INPP4B: variants seen among roughly 807,000 people sequenced by gnomAD.
INPP4B encodes the protein inositol polyphosphate 4-phosphatase type II.
INPP4B carries 55 observed loss-of-function variants against 122.5 expected under a neutral mutation model. The observed-to-expected ratio is 0.45, with a 90% CI of 0.36 to 0.56. The LOEUF (loss-of-function observed/expected upper bound fraction) is 0.56. Ranked by LOEUF, INPP4B falls within the 20% of genes least tolerant of loss-of-function variation. INPP4B has a pLI of 0.00. For missense variants in INPP4B, 1,000 were observed against 1,097.7 expected (o/e 0.91, Z 1.26); for synonymous variants, 403 against 388.7 (o/e 1.04, Z -0.43).
intron 14 of INPP4B, among the ~76,000 whole-genome samples, chr4:142,200,743 G>A (rs2149442963): frequency 6.6e-6 from 1 of 152,112 alleles, no homozygotes; most frequent in South Asian, 2.1e-4. Context: ...GTTCTCAAAT[G>A]TGAAAGTACT....
chr4:142,728,266 C>T (rs1765589186), intron 1 of INPP4B, among the ~76,000 whole-genome samples: 1 of 152,144 alleles, frequency 6.6e-6, no homozygotes, highest in Non-Finnish European at 1.5e-5. Context: ...CAGAACCTTA[C>T]ACTGTATATT....
chr4:142,734,067 C>T (rs538513858), intron 1 of INPP4B, among the ~76,000 whole-genome samples: 2 of 152,280 alleles, frequency 1.3e-5, no homozygotes, highest in South Asian at 4.1e-4. Context: ...CTCTAACACT[C>T]AGTTAGACTG....
rs564363169 is a variant in INPP4B, at chr4:142,115,178, C to A, written c.2136-2496G>T. ...GGACTATGTGAAAAGACCAAATCTA[C>A]ATCTGATTGGTTTACCTGAAAGTGA... On this transcript the variant is annotated intron_variant, in intron 21 of 25. Coordinates refer to ENST00000262992, the MANE Select transcript of INPP4B (RefSeq NM_001101669.3). 9.2e-4 allele frequency among the ~76,000 whole-genome samples: 140 copies of A among 152,220 alleles called. 2 individuals are homozygous for A. Among genetic ancestry groups the A allele is most frequent in the African/African-American group, 3.2e-3 (134 of 41,556 alleles).
At position 142,363,351 on chromosome 4, in the gene INPP4B, A is replaced by ATG. The variant is rs937194226; in HGVS notation, c.372+39585_372+39586dup. ...GGCATATAAACAAATATATATATATATGTGTGTGTGTATACACATGCCAAA... is the reference window on the plus strand; with the variant it reads ...GGCATATAAACAAATATATATATATATGTGTGTGTGTGTATACACATGCCAAA... On this transcript the variant is annotated intron_variant, in intron 7 of 25. Coordinates refer to ENST00000262992, the MANE Select transcript of INPP4B (RefSeq NM_001101669.3). Among the ~76,000 whole-genome samples the ATG allele has an allele frequency of 5.9e-5, 9 of 151,698 alleles. No individual in the cohort carries two copies. The East Asian group carries it at 1.2e-3, about 20-fold the overall frequency.
At chr4:142,380,273 T>C (rs1396576628) in intron 7 of INPP4B, among the ~76,000 whole-genome samples, 1 of 152,202 alleles carries the variant, frequency 6.6e-6, no homozygotes, top group African/African-American at 2.4e-5. Context: ...AGGAGTTCCC[T>C]GGGGCTTCAT....
chr4:142,515,885 CTTAA>C (rs1330274941), intron 2 of INPP4B, among the ~76,000 whole-genome samples: 1 of 152,038 alleles, frequency 6.6e-6, no homozygotes, highest in Non-Finnish European at 1.5e-5. Context: ...TTGGAAATTG[CTTAA>C]TTAGACAATA....
chr4:142,193,738 A>G (rs1272962040), intron 14 of INPP4B, among the ~76,000 whole-genome samples: 1 of 152,178 alleles, frequency 6.6e-6, no homozygotes, highest in Non-Finnish European at 1.5e-5. Flanking sequence ...TGCTTTTGCA[A>G]TTTCCTTAGG....
At chr4:142,826,076 T>A (rs959754538) in intron 1 of INPP4B, among the ~76,000 whole-genome samples, 3 of 152,130 alleles carry the variant, frequency 2.0e-5, no homozygotes, top group African/African-American at 7.2e-5. Flanking sequence ...TCAAATGTAA[T>A]TTTGATGCAA....
chr4:142,514,426 G>A (rs1825149355), intron 2 of INPP4B: 2 of 152,056 alleles, frequency 1.3e-5, no homozygotes, highest in South Asian at 2.1e-4. Flanking sequence ...AATAAAATCT[G>A]TGTTGTCTTT....
intron 7 of INPP4B, among the ~76,000 whole-genome samples, chr4:142,374,679 C>T (rs555422801): frequency 6.6e-6 from 1 of 151,964 alleles, no homozygotes; most frequent in African/African-American, 2.4e-5. Context: ...CTAATTTCTT[C>T]ATGCTTCTTA....
chr4:142,151,579 C>A (rs1305264823), intron 17 of INPP4B, among the ~76,000 whole-genome samples: 1 of 152,154 alleles, frequency 6.6e-6, no homozygotes, highest in African/African-American at 2.4e-5. Context: ...TTTTCCCAGA[C>A]CTATATTATA....
In INPP4B at chr4:142,608,704, C is replaced by T. The variant is rs76877026; in HGVS notation, c.-191+117135G>A. Among the ~76,000 whole-genome samples the T allele has an allele frequency of 5.5e-3, 839 of 152,252 alleles. 11 individuals carry two copies. Among genetic ancestry groups the T allele is most frequent in the African/African-American group, 0.019 (793 of 41,566 alleles). ...TCCAAGACTTATCATCTGGAAAGAC[C>T]AGTTTCGTTGAGTCCCTCTCCAACC... On this transcript the variant is annotated intron_variant, in intron 2 of 25. Coordinates refer to ENST00000262992, the MANE Select transcript of INPP4B (RefSeq NM_001101669.3).
chr4:142,815,490 T>C (rs1201273480), intron 1 of INPP4B, among the ~76,000 whole-genome samples: 1 of 152,152 alleles, frequency 6.6e-6, no homozygotes, highest in East Asian at 1.9e-4. Flanking sequence ...TAACTAAAGT[T>C]ATACTAATAT....
intron 10 of INPP4B, among the ~76,000 whole-genome samples, chr4:142,268,981 C>A (rs1023850657): frequency 6.6e-6 from 1 of 152,132 alleles, no homozygotes; most frequent in African/African-American, 2.4e-5. Flanking sequence ...GGCCCCAACT[C>A]TTTCAGAATA....
At chr4:142,742,669 C>A (rs1179247120) in intron 1 of INPP4B, among the ~76,000 whole-genome samples, 1 of 151,474 alleles carries the variant, frequency 6.6e-6, no homozygotes, top group Non-Finnish European at 1.5e-5. Flanking sequence ...AACCAAATGA[C>A]CCATGGGAAA....
intron 2 of INPP4B, among the ~76,000 whole-genome samples, chr4:142,577,447 A>G (rs1734095793): frequency 1.3e-5 from 2 of 152,066 alleles, no homozygotes; most frequent in Non-Finnish European, 1.5e-5. Flanking sequence ...ACATACAATC[A>G]CATAACACAG....
At chr4:142,664,321 T>A (rs528325308) in intron 2 of INPP4B, among the ~76,000 whole-genome samples, 1 of 152,096 alleles carries the variant, frequency 6.6e-6, no homozygotes, top group African/African-American at 2.4e-5. Context: ...CCATCTCTTC[T>A]CCCCGCTAAG....
intron 12 of INPP4B, among the ~76,000 whole-genome samples, chr4:142,212,612 G>A (rs1845397477): frequency 6.6e-6 from 1 of 152,046 alleles, no homozygotes; most frequent in Non-Finnish European, 1.5e-5. Context: ...TTGGTCTATT[G>A]TCATGAGGAA....
chr4:142,171,955 G>T (rs111880454), intron 16 of INPP4B, among the ~76,000 whole-genome samples: 9 of 151,712 alleles, frequency 5.9e-5, no homozygotes, highest in African/African-American at 2.2e-4. Context: ...TGTGCTATTC[G>T]CTAAAATTTT....
Sources: gnomAD v4.1 joint callset for allele counts (sites outside exome capture counted in the v4.1 genomes callset) on GRCh38, gnomAD v4.1.1 for gene constraint, MANE v1.5 for transcripts, NCBI Gene and HGNC (gene_info 2026-07-23, HGNC 2026-07-21) for gene names.